Variants in ULK4 observed in about 807,000 individuals in gnomAD.
The protein encoded by ULK4 is unc-51 like kinase 4.
A neutral mutation model predicts 160.6 loss-of-function variants in ULK4; 133 were observed. The ratio of observed to expected loss-of-function variants is 0.83; its 90% CI spans 0.72 to 0.96. The LOEUF is 0.96. Among genes scored for constraint, ULK4 ranks in the 40% least tolerant of loss-of-function variants. The pLI, the probability that ULK4 is intolerant of heterozygous loss-of-function variation, is 0.00. For synonymous variants in ULK4, 534 were observed against 539.8 expected (o/e 0.99, Z 0.15); for missense variants, 1,580 against 1,499.5 (o/e 1.05, Z -0.89).
rs1699441703 is a variant in ULK4, at chr3:41,927,910, G to C, written c.541+3934C>G. ...AGACTCCCACACCATAATAGTGGGA[G>C]ACTTTAACACCCCACTGTCAATATT... On this transcript the variant is annotated intron_variant, in intron 5 of 36. Coordinates refer to ENST00000301831, the MANE Select transcript of ULK4 (RefSeq NM_017886.4). Among the ~76,000 whole-genome samples the C allele has an allele frequency of 2.0e-5, 3 of 152,072 alleles. No individual in the cohort carries two copies. The South Asian group carries it at 6.2e-4, about 32-fold the overall frequency.
intron 32 of ULK4, among the ~76,000 whole-genome samples, chr3:41,547,753 T>C (rs1428826956): frequency 6.6e-6 from 1 of 152,170 alleles, no homozygotes; most frequent in Admixed American, 6.5e-5. Flanking sequence ...CCTGCTGACA[T>C]CCCTCAGTAT....
chr3:41,449,883 T>TA (rs561115031), intron 34 of ULK4, among the ~76,000 whole-genome samples: 1 of 148,444 alleles, frequency 6.7e-6, no homozygotes, highest in Non-Finnish European at 1.5e-5. Context: ...CTCCCAGTTA[T>TA]CTAGTATAGC....
intron 29 of ULK4, among the ~76,000 whole-genome samples, chr3:41,673,414 C>G (rs1019003396): frequency 1.3e-5 from 2 of 152,058 alleles, no homozygotes; most frequent in Non-Finnish European, 2.9e-5. Flanking sequence ...TAGAATCCAC[C>G]TATAAATTCC....
chr3:41,474,964 T>C (rs2084095593), intron 32 of ULK4, among the ~76,000 whole-genome samples: 1 of 152,094 alleles, frequency 6.6e-6, no homozygotes, highest in South Asian at 2.1e-4. Context: ...AGAATTACCA[T>C]ATGATCCAGA....
In ULK4 at chr3:41,948,689, C is replaced by T. The variant is rs1700187701; in HGVS notation, c.138+5933G>A. The stretch of plus-strand genomic sequence containing the variant: ...AAACGCATGATCATCTCAATTAATA[C>T]AGAAAATGCACTTGGCAAAATTCAA... On this transcript the variant is annotated intron_variant, in intron 2 of 36. Transcript: ENST00000301831. Among the ~76,000 whole-genome samples, 3 of 125,828 alleles carry T rather than the reference C, an allele frequency of 2.4e-5. No homozygotes were observed. In the South Asian group the frequency reaches 8.0e-4, roughly 34 times the overall value. 82.5% of individuals were successfully genotyped at this position (125,828 alleles called of 152,430 possible).
chr3:41,660,316 A>G (rs2035106744), intron 30 of ULK4, among the ~76,000 whole-genome samples: 1 of 152,148 alleles, frequency 6.6e-6, no homozygotes, highest in African/African-American at 2.4e-5. Flanking sequence ...AGAAGAGAGA[A>G]AAGAAAAAAT....
chr3:41,683,430 G>A (rs1210955458), intron 27 of ULK4, among the ~76,000 whole-genome samples: 1 of 151,722 alleles, frequency 6.6e-6, no homozygotes, highest in Admixed American at 6.6e-5. Flanking sequence ...TGTGGAGGGA[G>A]GCATGTGAGC....
At chr3:41,406,308 T>C (rs750357303) in intron 34 of ULK4, among the ~76,000 whole-genome samples, 26 of 152,222 alleles carry the variant, frequency 1.7e-4, no homozygotes, top group Non-Finnish European at 3.2e-4. Context: ...GGGTTCTCTA[T>C]TCTGTTTCAT....
At chr3:41,252,207 T>C (rs1311650055) in intron 35 of ULK4, among the ~76,000 whole-genome samples, 1 of 152,186 alleles carries the variant, frequency 6.6e-6, no homozygotes, top group Non-Finnish European at 1.5e-5. Context: ...TCTTATAATG[T>C]AATATTTTTA....
intron 22 of ULK4, among the ~76,000 whole-genome samples, chr3:41,737,575 G>A (rs375003053): frequency 1.3e-5 from 2 of 151,826 alleles, no homozygotes. Context: ...TAAGCCAAAA[G>A]AACAAAGCTG....
chr3:41,954,571 A>G (rs1426317308), intron 2 of ULK4, 51 bp downstream of exon 2: 2 of 1,571,706 alleles, frequency 1.3e-6, no homozygotes, highest in African/African-American at 2.7e-5. Context: ...ACCCCCTTCT[A>G]CCTATTGTAG....
At chr3:41,822,377 A>AT (rs796726511) in intron 18 of ULK4, among the ~76,000 whole-genome samples, 66 of 152,006 alleles carry the variant, frequency 4.3e-4, no homozygotes, top group African/African-American at 1.4e-3. Flanking sequence ...GAAGACTGAG[A>AT]TTTTTTTTGT....
rs1215959845 is a variant in ULK4 at position 41,295,227 on chromosome 3, A to C, written c.3679-45653T>G. Among the ~76,000 whole-genome samples the C allele has an allele frequency of 5.1e-4, 39 of 75,784 alleles. 13 individuals are homozygous for C. Among genetic ancestry groups the C allele is most frequent in the Non-Finnish European group, 8.4e-4 (25 of 29,722 alleles). 49.7% of individuals were successfully genotyped at this position (75,784 alleles called of 152,430 possible). On this transcript the variant is annotated intron_variant, in intron 35 of 36. Coordinates refer to ENST00000301831, the MANE Select transcript of ULK4 (RefSeq NM_017886.4). ...TAGTTTTTTCAAGAAATAGTGTTGG[A>C]ACAACTGGATATCCACATGCAAAAC...
At chr3:41,563,478 G>A (rs573111541) in intron 32 of ULK4, among the ~76,000 whole-genome samples, 3 of 152,252 alleles carry the variant, frequency 2.0e-5, no homozygotes, top group South Asian at 2.1e-4. Context: ...CATTCTCCCC[G>A]TCACGTTCAG....
intron 35 of ULK4, among the ~76,000 whole-genome samples, chr3:41,254,357 T>A (rs2078793391): frequency 6.6e-6 from 1 of 152,190 alleles, no homozygotes; most frequent in Non-Finnish European, 1.5e-5. Flanking sequence ...ATATTTTCAA[T>A]CACTTGGAAT....
At chr3:41,683,457 C>T (rs548640444) in intron 27 of ULK4, among the ~76,000 whole-genome samples, 28 of 151,736 alleles carry the variant, frequency 1.8e-4, no homozygotes, top group Non-Finnish European at 2.1e-4. Flanking sequence ...GACAGCTGGA[C>T]GTGACCCCTC....
intron 32 of ULK4, among the ~76,000 whole-genome samples, chr3:41,527,650 A>G (rs2086166163): frequency 6.6e-6 from 1 of 152,374 alleles, no homozygotes; most frequent in South Asian, 2.1e-4. Flanking sequence ...AGGTACGAAC[A>G]GCTTTGGCTA....
intron 30 of ULK4, among the ~76,000 whole-genome samples, chr3:41,658,730 C>CAT (rs754434385): frequency 2.4e-5 from 3 of 122,578 alleles, no homozygotes; most frequent in African/African-American, 1.3e-4. Context: ...AAAAACAGTA[C>CAT]ACACACACAC....
At chr3:41,651,004 T>C (rs971498421) in intron 30 of ULK4, among the ~76,000 whole-genome samples, 2 of 152,204 alleles carry the variant, frequency 1.3e-5, no homozygotes, top group Admixed American at 1.3e-4. Flanking sequence ...CTCTCCCCTT[T>C]GCAGCAGAAC....
Sources: allele counts gnomAD v4.1 joint callset (sites outside exome capture counted in the v4.1 genomes callset), GRCh38; gene constraint gnomAD v4.1.1; transcripts MANE v1.5; gene names NCBI Gene and HGNC (gene_info 2026-07-23, HGNC 2026-07-21).